Variants in RAC1 observed in about 807,000 individuals in gnomAD.
RAC1 encodes Rac family small GTPase 1.
RAC1 carries 2 observed loss-of-function variants against 25.2 expected under a neutral mutation model. The observed-to-expected ratio is 0.08, with a 90% CI of 0.03 to 0.25. RAC1 has a LOEUF of 0.25. Ranked by LOEUF, RAC1 falls within the 10% of genes least tolerant of loss-of-function variation. The pLI is 1.00. For synonymous variants in RAC1, 88 were observed against 94.0 expected (o/e 0.94, Z 0.37); for missense variants, 50 against 235.7 (o/e 0.21, Z 5.16).
chr7:6,399,164 C>G (rs1364406722), intron 3 of RAC1, among the ~76,000 whole-genome samples: 14 of 152,164 alleles, frequency 9.2e-5, no homozygotes, highest in Non-Finnish European at 1.8e-4. Flanking sequence ...AGATGGTGTG[C>G]TGGGTGCCGC....
Position 6,387,539 on chromosome 7 carries a change from C to T in RAC1, c.107+256C>T, listed in dbSNP as rs532722398. ...AGGAGTTCGAGACCAGCATGGTCAA[C>T]GTGATGAAACCCCATCTCTACTAAA... On this transcript the variant is annotated intron_variant, in intron 2 of 5. Coordinates refer to ENST00000348035, the MANE Select transcript of RAC1 (RefSeq NM_006908.5). Among the ~76,000 whole-genome samples, 51 of 152,070 alleles carry T rather than the reference C, an allele frequency of 3.4e-4. 1 individual carries two copies. In the South Asian group the frequency reaches 7.1e-3, roughly 21 times the overall value.
chr7:6,380,350 T>C (rs370398619), intron 1 of RAC1, among the ~76,000 whole-genome samples: 63 of 149,850 alleles, frequency 4.2e-4, no homozygotes, highest in African/African-American at 1.4e-3. Context: ...TGGTTTTTTT[T>C]CTTGATAAGC....
Position 6,402,974 on chromosome 7 carries a change from C to T in RAC1, c.*528C>T, listed in dbSNP as rs1035225811. 7 of 191,378 alleles carry T rather than the reference C, an allele frequency of 3.7e-5. No individual in the cohort carries two copies. Among genetic ancestry groups the T allele is most frequent in the Non-Finnish European group, 7.7e-5 (7 of 91,204 alleles). 11.9% of individuals were successfully genotyped at this position (191,378 alleles called of 1,614,324 possible). ...GTGAGTTAGCAGCACGTGTTCCCGA[C>T]ATAACATTGTACTGTAATGGAGTGA... On this transcript the variant is annotated 3_prime_UTR_variant, in exon 6 of 6. Transcript: ENST00000348035.
At chr7:6,397,240 CAAA>C (rs375004213) in intron 3 of RAC1, among the ~76,000 whole-genome samples, 1 of 104,638 alleles carries the variant, frequency 9.6e-6, no homozygotes, top group African/African-American at 3.4e-5. Context: ...GACTCTGTCT[CAAA>C]AAAAAAAAAG....
intron 1 of RAC1, among the ~76,000 whole-genome samples, chr7:6,382,791 C>T (rs34633348): frequency 2.5e-4 from 38 of 152,234 alleles, no homozygotes; most frequent in South Asian, 1.0e-3. Flanking sequence ...GAGAATTGTT[C>T]GAACCCAGCA....
intron 3 of RAC1, 98 bp downstream of exon 3, chr7:6,392,139 T>C (rs1320132323): frequency 9.5e-6 from 15 of 1,576,686 alleles, no homozygotes; most frequent in Non-Finnish European, 1.3e-5. Context: ...TATATTGCCA[T>C]CATTTGGGTA....
At chr7:6,399,544 C>T (rs943545205) in intron 3 of RAC1, among the ~76,000 whole-genome samples, 2 of 152,176 alleles carry the variant, frequency 1.3e-5, no homozygotes, top group African/African-American at 4.8e-5. Context: ...GCCCCGGGAG[C>T]GAGTTCTCCT....
At chr7:6,398,850 T>C (rs1387636825) in intron 3 of RAC1, 5 of 852,964 alleles carry the variant, frequency 5.9e-6, no homozygotes, top group Middle Eastern at 2.3e-4. Flanking sequence ...AAGGTTGGGG[T>C]TTTGCTTGAT....
intron 3 of RAC1, among the ~76,000 whole-genome samples, chr7:6,398,408 C>T (rs556580458): frequency 3.3e-5 from 5 of 152,296 alleles, no homozygotes; most frequent in East Asian, 1.9e-4. Context: ...AGGAGGAGCA[C>T]GTTGTTGCCC....
intron 3 of RAC1, among the ~76,000 whole-genome samples, chr7:6,397,036 CAA>C (rs151105670): frequency 1.4e-4 from 11 of 80,216 alleles, no homozygotes; most frequent in Admixed American, 2.6e-4. Flanking sequence ...CTCTCAAAAA[CAA>C]AAAAAAAAAA....
intron 5 of RAC1, 90 bp downstream of exon 5, chr7:6,402,117 T>C: frequency 1.3e-6 from 2 of 1,489,248 alleles, no homozygotes; most frequent in Non-Finnish European, 1.8e-6. Context: ...AGGGTGTGTG[T>C]CTCCCACTCA....
chr7:6,390,096 C>CTTTTTT (rs34547258), intron 2 of RAC1, among the ~76,000 whole-genome samples: 1,598 of 74,898 alleles, frequency 0.021, 158 homozygotes, highest in African/African-American at 0.081. Context: ...CCCTCCCTCC[C>CTTTTTT]TTTTTTTTTT....
At chr7:6,398,672 C>T (rs1410056598) in intron 3 of RAC1, 15 of 1,613,694 alleles carry the variant, frequency 9.3e-6, no homozygotes, top group African/African-American at 1.3e-5. Context: ...GTTGGAGAAA[C>T]GTACGGTAAG....
In RAC1 at chr7:6,388,274, C is replaced by G. The variant is rs1460800817; in HGVS notation, c.107+991C>G. Reference sequence around the variant, plus strand: ...TCCTCCCCACCTGTGTTCACCTCCTCAGGCACAACACACACCCAGGTGCTC... The same window carrying G: ...TCCTCCCCACCTGTGTTCACCTCCTGAGGCACAACACACACCCAGGTGCTC... On this transcript the variant is annotated intron_variant, in intron 2 of 5. Transcript: ENST00000348035. Among the ~76,000 whole-genome samples, 5 of 151,766 alleles carry G rather than the reference C, an allele frequency of 3.3e-5. No homozygotes were observed. In the South Asian group the frequency reaches 1.0e-3, roughly 32 times the overall value.
intron 2 of RAC1, among the ~76,000 whole-genome samples, chr7:6,390,609 AAT>A (rs1562466183): frequency 1.7e-4 from 25 of 143,578 alleles, no homozygotes; most frequent in African/African-American, 5.5e-4. Context: ...AAAAAAAAAT[AAT>A]AATAATAATG....
chr7:6,400,241 AT>A, intron 4 of RAC1, 53 bp downstream of exon 4: 1 of 1,473,938 alleles, frequency 6.8e-7, no homozygotes, highest in Non-Finnish European at 9.5e-7. Flanking sequence ...CCTCTCAGAA[AT>A]AAATACTTTA....
intron 3 of RAC1, among the ~76,000 whole-genome samples, chr7:6,394,913 G>A (rs963589873): frequency 6.6e-6 from 1 of 152,074 alleles, no homozygotes; most frequent in African/African-American, 2.4e-5. Flanking sequence ...GGAGTGCAAT[G>A]GTGCGATCTT....
At chr7:6,388,480 G>C (rs984804323) in intron 2 of RAC1, among the ~76,000 whole-genome samples, 1 of 151,340 alleles carries the variant, frequency 6.6e-6, no homozygotes, top group East Asian at 2.0e-4. Flanking sequence ...AGGTAGCTGT[G>C]ATTACAGGCA....
At chr7:6,379,461 C>G (rs1249705125) in intron 1 of RAC1, among the ~76,000 whole-genome samples, 1 of 151,928 alleles carries the variant, frequency 6.6e-6, no homozygotes, top group Non-Finnish European at 1.5e-5. Flanking sequence ...TTAATAGAGA[C>G]GAGGTTTCTC....
Sources: allele counts gnomAD v4.1 joint callset (sites outside exome capture counted in the v4.1 genomes callset), GRCh38; gene constraint gnomAD v4.1.1; transcripts MANE v1.5; gene names NCBI Gene and HGNC (gene_info 2026-07-23, HGNC 2026-07-21).